IMPG1: variants seen among roughly 807,000 people sequenced by gnomAD.
IMPG1 encodes the protein interphotoreceptor matrix proteoglycan of 150 kDa.
IMPG1 carries 85 observed loss-of-function variants against 92.0 expected under a neutral mutation model. The ratio of observed to expected loss-of-function variants is 0.92; its 90% CI spans 0.78 to 1.11. IMPG1 has a LOEUF of 1.11. Among genes scored for constraint, IMPG1 ranks in the 50% least tolerant of loss-of-function variants. The probability of loss-of-function intolerance (pLI) is 0.00; values close to 1 mark genes in which losing one functional copy is unlikely to be tolerated. For synonymous variants in IMPG1, 367 were observed against 334.1 expected, an observed-to-expected ratio of 1.10 and a Z score of -1.08; for missense variants, 1,022 against 956.0, an observed-to-expected ratio of 1.07 and a Z score of -0.91.
rs547287554 is a variant in IMPG1 at position 76,019,980 on chromosome 6, A to T, written c.667-1122T>A. On this transcript the variant is annotated intron_variant, in intron 6 of 16. Coordinates refer to ENST00000369950, the MANE Select transcript of IMPG1 (RefSeq NM_001563.4). Reference sequence around the variant, plus strand: ...AATATATACTGAATTATGGTCAACAATTTTTTCCAACAGTACTTTTCACTG... The same window carrying T: ...AATATATACTGAATTATGGTCAACATTTTTTTCCAACAGTACTTTTCACTG... 3.9e-5 allele frequency among the ~76,000 whole-genome samples: 6 copies of T among 152,226 alleles called. No homozygotes were observed. The South Asian group carries it at 1.0e-3, about 26-fold the overall frequency.
chr6:75,995,622 T>A (rs970008984), intron 12 of IMPG1, among the ~76,000 whole-genome samples: 2 of 152,274 alleles, frequency 1.3e-5, no homozygotes, highest in Non-Finnish European at 1.5e-5. Context: ...GAATACTGTG[T>A]ATTTTATTAT....
intron 12 of IMPG1, among the ~76,000 whole-genome samples, chr6:75,965,752 C>A (rs768730535): frequency 6.6e-6 from 1 of 151,840 alleles, no homozygotes; most frequent in Non-Finnish European, 1.5e-5. Flanking sequence ...GGACTACAGG[C>A]GCCTGCCATC....
At position 75,921,968 on chromosome 6, in the gene IMPG1, C is replaced by G; in HGVS notation, c.*121G>C. ...ATTTGAAATATGGTGTGTGCTGATT[C>G]TCAGTGTTGACTGTATGTCTGGATT... is the stretch of plus-strand genomic sequence containing the variant. On this transcript the variant is annotated 3_prime_UTR_variant, in exon 17 of 17. Transcript: ENST00000369950. The G allele has an allele frequency of 1.6e-6, 1 of 628,422 alleles. No homozygotes were observed. Among genetic ancestry groups the G allele is most frequent in the Non-Finnish European group, 2.9e-6 (1 of 343,208 alleles). 38.9% of individuals were successfully genotyped at this position (628,422 alleles called of 1,614,324 possible).
At chr6:75,969,631 G>A (rs936895285) in intron 12 of IMPG1, among the ~76,000 whole-genome samples, 1 of 152,008 alleles carries the variant, frequency 6.6e-6, no homozygotes, top group Non-Finnish European at 1.5e-5. Context: ...TGCTCAGGAG[G>A]TTGAGGCAGG....
rs1476053126 is a variant in IMPG1, at chr6:75,947,453, C to G, written c.1905G>C (p.Val635=). The G allele has an allele frequency of 4.3e-6, 7 of 1,613,702 alleles. No individual in the cohort carries two copies. The highest frequency in any genetic ancestry group is 5.1e-6 in the Non-Finnish European group (6 of 1,179,760). Residue 635 remains valine (V), a synonymous_variant, in exon 14 of 17, where the codon GTG becomes GTC. Coordinates refer to ENST00000369950, the MANE Select transcript of IMPG1 (RefSeq NM_001563.4). ...ILNFRNGSVI[V]NSKMKFAKSV... is the part of the protein sequence containing the mutation. ...ACTTAGCAAACTTCATTTTGCTATT[C>G]ACAATCACACTCCCGTTTCTGAAGT...
chr6:75,986,518 A>T (rs960486172), intron 12 of IMPG1, among the ~76,000 whole-genome samples: 2 of 152,192 alleles, frequency 1.3e-5, no homozygotes, highest in Admixed American at 1.3e-4. Flanking sequence ...CTGCAGAAAG[A>T]TACTTTATTG....
intron 15 of IMPG1, among the ~76,000 whole-genome samples, chr6:75,926,142 A>C (rs1340116090): frequency 1.3e-5 from 2 of 152,224 alleles, no homozygotes; most frequent in African/African-American, 4.8e-5. Flanking sequence ...GGTGAGGGGA[A>C]TATGGAACTA....
chr6:75,949,130 T>C (rs1258764147), intron 13 of IMPG1, among the ~76,000 whole-genome samples: 1 of 152,168 alleles, frequency 6.6e-6, no homozygotes, highest in Non-Finnish European at 1.5e-5. Flanking sequence ...CCATGGTTAG[T>C]TTGTCAGAGG....
Position 75,974,383 on chromosome 6 carries a change from CTTTCTTTCT to C in IMPG1, c.1292-23298_1292-23290del, listed in dbSNP as rs1562354698. Among the ~76,000 whole-genome samples the C allele has an allele frequency of 5.1e-3, 386 of 75,396 alleles. 10 individuals carry two copies. The highest frequency in any genetic ancestry group is 0.019 in the African/African-American group (365 of 19,640). The allele number at this position is 75,396 out of a possible 152,430, so 49.5% of individuals were successfully genotyped here. On this transcript the variant is annotated intron_variant, in intron 12 of 16. Transcript: ENST00000369950. ...TCTTTCTTTCTTTCTTTCTTTCTTT[CTTTCTTTCT>C]TTTCTTTCTTTCCTTCCTTCCTTCC...
At chr6:75,973,299 C>CA (rs1554230160) in intron 12 of IMPG1, among the ~76,000 whole-genome samples, 1 of 130,702 alleles carries the variant, frequency 7.7e-6, no homozygotes, top group Non-Finnish European at 1.7e-5. Context: ...CTTTCCCCCC[C>CA]GCCCAAAACT....
chr6:75,923,968 T>A (rs1416127410), intron 15 of IMPG1, among the ~76,000 whole-genome samples: 1 of 152,100 alleles, frequency 6.6e-6, no homozygotes, highest in African/African-American at 2.4e-5. Flanking sequence ...ATTTCTCAAG[T>A]CAAGTTCTGA....
chr6:75,993,256 T>C (rs1326857642), intron 12 of IMPG1, among the ~76,000 whole-genome samples: 3 of 152,154 alleles, frequency 2.0e-5, no homozygotes, highest in East Asian at 1.9e-4. Flanking sequence ...TAACGGGGCA[T>C]TGGTATTTAA....
chr6:75,930,309 TA>T lies in IMPG1; in HGVS notation c.2243+643del, dbSNP rs747310962. Among the ~76,000 whole-genome samples, 4 of 152,198 alleles carry T rather than the reference TA, an allele frequency of 2.6e-5. No individual in the cohort carries two copies. In the East Asian group the frequency reaches 5.8e-4, roughly 22 times the overall value. ...CATGACATGGGGAAACATTCTAAGTTAAAAAAAGAGGACTATAAAACGAGAA... is the reference window on the plus strand; with the variant it reads ...CATGACATGGGGAAACATTCTAAGTTAAAAAAGAGGACTATAAAACGAGAA... On this transcript the variant is annotated intron_variant, in intron 15 of 16. Coordinates refer to ENST00000369950, the MANE Select transcript of IMPG1 (RefSeq NM_001563.4).
At chr6:76,012,471 C>T (rs748817133) in intron 7 of IMPG1, among the ~76,000 whole-genome samples, 9 of 152,348 alleles carry the variant, frequency 5.9e-5, no homozygotes, top group Middle Eastern at 3.4e-3. Context: ...CAGTCACTCT[C>T]TCTTTTCTTC....
At chr6:76,002,806 C>A in intron 12 of IMPG1, 112 bp downstream of exon 12, 1 of 798,182 alleles carries the variant, frequency 1.3e-6, no homozygotes, top group East Asian at 2.6e-5. Flanking sequence ...TGGCAGTGAA[C>A]CTTTTCCTGG....
At chr6:75,997,392 A>T (rs151091994) in intron 12 of IMPG1, among the ~76,000 whole-genome samples, 10 of 152,312 alleles carry the variant, frequency 6.6e-5, no homozygotes, top group African/African-American at 2.4e-4. Context: ...GAGCAATTTA[A>T]ATAACATCTT....
At chr6:75,951,215 C>A in intron 12 of IMPG1, 121 bp from the exon 13 acceptor site, 11 of 684,462 alleles carry the variant, frequency 1.6e-5, no homozygotes, top group South Asian at 4.2e-5. Context: ...TAGATCATTT[C>A]AATAGTCATT....
At chr6:75,934,164 A>C (rs1455910167) in intron 14 of IMPG1, among the ~76,000 whole-genome samples, 1 of 152,212 alleles carries the variant, frequency 6.6e-6, no homozygotes, top group Non-Finnish European at 1.5e-5. Context: ...TTTCCTTTGA[A>C]TAAAGGTTCC....
intron 12 of IMPG1, among the ~76,000 whole-genome samples, chr6:75,987,619 T>C (rs1021195567): frequency 6.6e-6 from 1 of 151,318 alleles, no homozygotes; most frequent in Admixed American, 6.6e-5. Context: ...GCTTTATCCA[T>C]GTCCCTACAA....
Sources: allele counts gnomAD v4.1 joint callset (sites outside exome capture counted in the v4.1 genomes callset), GRCh38; gene constraint gnomAD v4.1.1; transcripts MANE v1.5; gene names NCBI Gene and HGNC (gene_info 2026-07-23, HGNC 2026-07-21).